Variants in ATRNL1 observed in about 807,000 individuals in gnomAD.
ATRNL1 encodes the protein attractin like 1, also known as attractin-like protein 1.
In ATRNL1, 95 loss-of-function variants were observed where a neutral mutation model predicts 182.7. The ratio of observed to expected loss-of-function variants is 0.52; its 90% confidence interval spans 0.44 to 0.62. ATRNL1 has a LOEUF of 0.62. Among genes scored for constraint, ATRNL1 ranks in the 20% least tolerant of loss-of-function variants. The pLI, the probability that ATRNL1 is intolerant of heterozygous loss-of-function variation, is 0.00. For missense variants in ATRNL1, 1,471 were observed against 1,679.5 expected, an observed-to-expected ratio of 0.88 and a Z score of 2.17; for synonymous variants, 576 against 568.3, an observed-to-expected ratio of 1.01 and a Z score of -0.19.
intron 27 of ATRNL1, among the ~76,000 whole-genome samples, chr10:115,831,528 G>A (rs912097428): frequency 4.6e-5 from 7 of 152,086 alleles, no homozygotes; most frequent in Admixed American, 1.3e-4. Flanking sequence ...AAAGCACGCC[G>A]GGGTGAGGGT....
chr10:115,124,905 A>G (rs985993942), intron 3 of ATRNL1, among the ~76,000 whole-genome samples: 1 of 152,212 alleles, frequency 6.6e-6, no homozygotes, highest in South Asian at 2.1e-4. Flanking sequence ...CACACAGCCT[A>G]GTTAGTGTTA....
intron 18 of ATRNL1, among the ~76,000 whole-genome samples, chr10:115,325,479 T>C (rs535929643): frequency 4.0e-4 from 61 of 152,326 alleles, no homozygotes; most frequent in Non-Finnish European, 7.2e-4. Flanking sequence ...ATTGCTACCA[T>C]ATTAGTTATA....
intron 21 of ATRNL1, among the ~76,000 whole-genome samples, chr10:115,435,083 T>C (rs1481252535): frequency 6.9e-6 from 1 of 145,254 alleles, no homozygotes; most frequent in Non-Finnish European, 1.5e-5. Context: ...CAGGCTGGAG[T>C]GTGGTGGCCC....
In ATRNL1 at chr10:115,241,261, A is replaced by C. The variant is rs564298339; in HGVS notation, c.1533-310A>C. 4.6e-5 allele frequency among the ~76,000 whole-genome samples: 7 copies of C among 151,890 alleles called. No individual in the cohort carries two copies. The South Asian group carries it at 1.5e-3, about 32-fold the overall frequency. On this transcript the variant is annotated intron_variant, in intron 9 of 28. Coordinates refer to ENST00000355044, the MANE Select transcript of ATRNL1 (RefSeq NM_207303.4). ...TTTTAAAATGATGTTTTGGGCCTCT[A>C]GTTTTAAGATGGCTTGTTTCCTATC...
At chr10:115,413,511 CATTT>C (rs1845241195) in intron 20 of ATRNL1, among the ~76,000 whole-genome samples, 2 of 152,172 alleles carry the variant, frequency 1.3e-5, no homozygotes, top group Non-Finnish European at 1.5e-5. Context: ...TTTCTTGTCC[CATTT>C]ATTTATCTAT....
chr10:115,337,348 CTT>C (rs1554937050), intron 19 of ATRNL1, among the ~76,000 whole-genome samples: 1 of 152,098 alleles, frequency 6.6e-6, no homozygotes, highest in African/African-American at 2.4e-5. Flanking sequence ...TAATTACACT[CTT>C]TAAGTTATTT....
At chr10:115,236,263 T>C (rs1191715256) in intron 9 of ATRNL1, among the ~76,000 whole-genome samples, 1 of 152,188 alleles carries the variant, frequency 6.6e-6, no homozygotes, top group Non-Finnish European at 1.5e-5. Flanking sequence ...TATCCATTTA[T>C]ATCCTCTATA....
At chr10:115,626,660 C>A (rs548893295) in intron 26 of ATRNL1, among the ~76,000 whole-genome samples, 1 of 152,090 alleles carries the variant, frequency 6.6e-6, no homozygotes, top group Non-Finnish European at 1.5e-5. Flanking sequence ...ACTTGCAAAT[C>A]GCTTTCTCAG....
At chr10:115,203,909 A>G (rs1307302210) in intron 8 of ATRNL1, among the ~76,000 whole-genome samples, 3 of 151,688 alleles carry the variant, frequency 2.0e-5, no homozygotes, top group East Asian at 3.9e-4. Context: ...GATTGGGTCA[A>G]CTTTAAAATT....
At chr10:115,696,060 G>A (rs1003686454) in intron 26 of ATRNL1, among the ~76,000 whole-genome samples, 7 of 151,878 alleles carry the variant, frequency 4.6e-5, no homozygotes, top group South Asian at 2.1e-4. Flanking sequence ...TACCACACCC[G>A]GCTAATTTTT....
At chr10:115,323,737 C>G (rs782774355) in intron 18 of ATRNL1, among the ~76,000 whole-genome samples, 18 of 142,362 alleles carry the variant, frequency 1.3e-4, no homozygotes, top group Non-Finnish European at 2.5e-4. Flanking sequence ...AGCCACCGTG[C>G]CTGGCCCGTT....
chr10:115,750,121 A>T (rs1948405345), intron 27 of ATRNL1, among the ~76,000 whole-genome samples: 1 of 151,946 alleles, frequency 6.6e-6, no homozygotes, highest in Admixed American at 6.6e-5. Context: ...ATAAAAGGGA[A>T]TTAAGATAGT....
intron 18 of ATRNL1, among the ~76,000 whole-genome samples, chr10:115,328,167 A>G (rs1251144946): frequency 6.6e-6 from 1 of 152,020 alleles, no homozygotes; most frequent in African/African-American, 2.4e-5. Flanking sequence ...GTTTTTAATA[A>G]CATTATTGTA....
At chr10:115,940,753 A>T (rs1369594668) in intron 28 of ATRNL1, among the ~76,000 whole-genome samples, 1 of 151,986 alleles carries the variant, frequency 6.6e-6, no homozygotes, top group Non-Finnish European at 1.5e-5. Context: ...ATTCAATAAG[A>T]TAGGGGCTTT....
chr10:115,315,480 G>T, intron 17 of ATRNL1, 38 bp from the exon 18 acceptor site: 1 of 1,391,966 alleles, frequency 7.2e-7, no homozygotes, highest in South Asian at 1.2e-5. Flanking sequence ...TGAATATATA[G>T]TCATGTTAAC....
intron 17 of ATRNL1, among the ~76,000 whole-genome samples, chr10:115,303,279 C>T (rs1302947463): frequency 7.2e-6 from 1 of 139,146 alleles, no homozygotes; most frequent in Non-Finnish European, 1.5e-5. Flanking sequence ...GGCTGGAGTG[C>T]AGTGGCCTAA....
intron 28 of ATRNL1, among the ~76,000 whole-genome samples, chr10:115,876,178 A>G (rs1212879093): frequency 1.3e-5 from 2 of 152,208 alleles, no homozygotes; most frequent in African/African-American, 2.4e-5. Flanking sequence ...ATCACAACAT[A>G]CAATTTGCAG....
intron 26 of ATRNL1, among the ~76,000 whole-genome samples, chr10:115,569,914 A>C (rs747754773): frequency 6.6e-6 from 1 of 152,122 alleles, no homozygotes; most frequent in Non-Finnish European, 1.5e-5. Context: ...AGGCATCAGC[A>C]GATTTGGTGT....
intron 27 of ATRNL1, among the ~76,000 whole-genome samples, chr10:115,776,267 G>A (rs1949123826): frequency 1.3e-5 from 2 of 152,192 alleles, no homozygotes; most frequent in African/African-American, 4.8e-5. Flanking sequence ...TAAAGCGTAT[G>A]TTAATCTGGA....
Sources: allele counts gnomAD v4.1 joint callset (sites outside exome capture counted in the v4.1 genomes callset), GRCh38; gene constraint gnomAD v4.1.1; transcripts MANE v1.5; gene names NCBI Gene and HGNC (gene_info 2026-07-23, HGNC 2026-07-21).